The following UBE2E2 variants were observed in gnomAD, a reference collection of about 807,000 sequenced individuals.
UBE2E2 encodes ubiquitin conjugating enzyme E2 E2.
UBE2E2 carries 6 observed loss-of-function variants against 24.7 expected under a neutral mutation model. That is an observed-to-expected ratio of 0.24 (90% CI 0.13 to 0.48). UBE2E2 has a LOEUF of 0.48. Ranked by LOEUF, UBE2E2 falls within the 20% of genes least tolerant of loss-of-function variation. The probability of loss-of-function intolerance (pLI) is 0.99; values close to 1 mark genes in which losing one functional copy is unlikely to be tolerated. For synonymous variants in UBE2E2, 104 were observed against 83.6 expected (o/e 1.24, Z -1.33); for missense variants, 169 against 245.0 (o/e 0.69, Z 2.07).
chr3:23,397,904 T>TGAAA (rs780952094), intron 3 of UBE2E2, among the ~76,000 whole-genome samples: 2 of 152,128 alleles, frequency 1.3e-5, no homozygotes, highest in African/African-American at 2.4e-5. Context: ...TTGTGTAGAG[T>TGAAA]GAAAACTAAT....
rs553737894 is a variant in UBE2E2 at position 23,302,520 on chromosome 3, C to T, written c.227+85208C>T. Reference sequence around the variant, plus strand: ...TCTGGTGACCTGAGCACACACCAACCTCTCCTTTCTTTGAACTTCTGTTAC... The same window carrying T: ...TCTGGTGACCTGAGCACACACCAACTTCTCCTTTCTTTGAACTTCTGTTAC... On this transcript the variant is annotated intron_variant, in intron 3 of 5. Transcript: ENST00000396703. 2.0e-5 allele frequency among the ~76,000 whole-genome samples: 3 copies of T among 152,304 alleles called. No homozygotes were observed. The South Asian group carries it at 6.2e-4, about 32-fold the overall frequency.
chr3:23,558,302 A>G (rs947164100), intron 5 of UBE2E2, among the ~76,000 whole-genome samples: 4 of 152,226 alleles, frequency 2.6e-5, no homozygotes, highest in Non-Finnish European at 4.4e-5. Flanking sequence ...GTGAAAGTGC[A>G]GATAAATCCA....
intron 3 of UBE2E2, among the ~76,000 whole-genome samples, chr3:23,286,365 TATGGAC>T (rs769499761): frequency 1.3e-5 from 2 of 152,190 alleles, no homozygotes; most frequent in Non-Finnish European, 2.9e-5. Flanking sequence ...GTCTTCTGCA[TATGGAC>T]ATCCAGTTTT....
At chr3:23,415,931 TC>T (rs1458293191) in intron 3 of UBE2E2, among the ~76,000 whole-genome samples, 1 of 151,910 alleles carries the variant, frequency 6.6e-6, no homozygotes, top group Non-Finnish European at 1.5e-5. Flanking sequence ...TGTGTGATGT[TC>T]CCCTCCCTGT....
intron 3 of UBE2E2, among the ~76,000 whole-genome samples, chr3:23,229,816 C>G (rs1003400783): frequency 6.6e-6 from 1 of 152,164 alleles, no homozygotes; most frequent in Admixed American, 6.5e-5. Context: ...TGAAAGGTGA[C>G]TAGTGCAACT....
intron 3 of UBE2E2, among the ~76,000 whole-genome samples, chr3:23,257,662 TG>T (rs1307055221): frequency 5.3e-5 from 8 of 151,066 alleles, no homozygotes; most frequent in Admixed American, 1.3e-4. Context: ...CAGGCCACCA[TG>T]GCTGGTTTTA....
chr3:23,342,165 G>A (rs1162346740), intron 3 of UBE2E2, among the ~76,000 whole-genome samples: 1 of 151,990 alleles, frequency 6.6e-6, no homozygotes, highest in East Asian at 1.9e-4. Flanking sequence ...AAGCATTATG[G>A]GGGGTACTTT....
At chr3:23,227,517 TA>T (rs1351946845) in intron 3 of UBE2E2, among the ~76,000 whole-genome samples, 3 of 152,206 alleles carry the variant, frequency 2.0e-5, no homozygotes, top group African/African-American at 7.2e-5. Flanking sequence ...GGACCTATGT[TA>T]TTTATTTAGG....
In UBE2E2 at chr3:23,203,390, C is replaced by A. The variant is rs911286936; in HGVS notation, c.-83C>A. ...TCCCTGGGGCCTCCCCAGTCTCCCTCCCCCTCGCGCCTGGGCAGCTCTCTC... is the reference window on the plus strand; with the variant it reads ...TCCCTGGGGCCTCCCCAGTCTCCCTACCCCTCGCGCCTGGGCAGCTCTCTC... On this transcript the variant is annotated 5_prime_UTR_variant, in exon 1 of 6. Coordinates refer to ENST00000396703, the MANE Select transcript of UBE2E2 (RefSeq NM_152653.4). The A allele has an allele frequency of 2.0e-6, 2 of 985,636 alleles. No individual in the cohort carries two copies. Among genetic ancestry groups the A allele is most frequent in the Non-Finnish European group, 2.4e-6 (2 of 830,224 alleles). 61.1% of individuals were successfully genotyped at this position (985,636 alleles called of 1,614,324 possible).
chr3:23,257,866 T>A (rs1053912530), intron 3 of UBE2E2, among the ~76,000 whole-genome samples: 1 of 152,144 alleles, frequency 6.6e-6, no homozygotes, highest in African/African-American at 2.4e-5. Flanking sequence ...TTATGAAATA[T>A]CCTATACTTG....
intron 5 of UBE2E2, among the ~76,000 whole-genome samples, chr3:23,563,347 C>T (rs1192462415): frequency 4.6e-5 from 7 of 152,098 alleles, no homozygotes; most frequent in Non-Finnish European, 7.3e-5. Context: ...GATTCAGGAG[C>T]GGGTTGTTCA....
chr3:23,484,037 A>G (rs1170898531), intron 3 of UBE2E2, among the ~76,000 whole-genome samples: 1 of 152,088 alleles, frequency 6.6e-6, no homozygotes, highest in Admixed American at 6.5e-5. Context: ...TTTGAATATC[A>G]CGGTTCTCCA....
In UBE2E2 at chr3:23,399,739, G is replaced by A. The variant is rs527683640; in HGVS notation, c.228-99869G>A. On this transcript the variant is annotated intron_variant, in intron 3 of 5. Coordinates refer to ENST00000396703, the MANE Select transcript of UBE2E2 (RefSeq NM_152653.4). ...AACCAATTTAAATATTTACAAAATC[G>A]TATGGACAACTCAGTTTTCTTTTCC... Among the ~76,000 whole-genome samples the A allele has an allele frequency of 2.3e-4, 35 of 152,218 alleles. 2 individuals are homozygous for A. The highest frequency in any genetic ancestry group is 7.2e-4 in the African/African-American group (30 of 41,546).
Position 23,258,761 on chromosome 3 carries a change from C to T in UBE2E2, c.227+41449C>T, listed in dbSNP as rs530328357. Among the ~76,000 whole-genome samples, 47 of 151,692 alleles carry T rather than the reference C, an allele frequency of 3.1e-4. 1 individual carries two copies. In the East Asian group the frequency reaches 7.6e-3, roughly 24 times the overall value. On this transcript the variant is annotated intron_variant, in intron 3 of 5. Transcript: ENST00000396703. ...ACAAAAAATTAGCCGGGCGTGGTGGCGGGCGCCTGTAGTCCCAGCTACTCG... is the reference window on the plus strand; with the variant it reads ...ACAAAAAATTAGCCGGGCGTGGTGGTGGGCGCCTGTAGTCCCAGCTACTCG...
chr3:23,579,435 A>G (rs1362274902), intron 5 of UBE2E2, among the ~76,000 whole-genome samples: 2 of 150,738 alleles, frequency 1.3e-5, no homozygotes, highest in East Asian at 3.9e-4. Flanking sequence ...TCATATCTGT[A>G]ATCCCAGTGC....
At chr3:23,519,965 C>T (rs1694826964) in intron 4 of UBE2E2, among the ~76,000 whole-genome samples, 1 of 152,158 alleles carries the variant, frequency 6.6e-6, no homozygotes, top group African/African-American at 2.4e-5. Flanking sequence ...AACATTTCTT[C>T]TCTTCGCTAT....
At chr3:23,508,849 G>A (rs1306260086) in intron 4 of UBE2E2, among the ~76,000 whole-genome samples, 1 of 152,178 alleles carries the variant, frequency 6.6e-6, no homozygotes, top group East Asian at 1.9e-4. Flanking sequence ...TATGTGAACA[G>A]GGGAGACTGA....
intron 4 of UBE2E2, among the ~76,000 whole-genome samples, chr3:23,519,592 G>T (rs6775232): frequency 0.61 from 92,126 of 152,070 alleles, 28,368 homozygotes; most frequent in East Asian, 0.74. Context: ...TGTTGAAACA[G>T]TTGTTTACTT....
At chr3:23,440,431 T>C (rs766202804) in intron 3 of UBE2E2, among the ~76,000 whole-genome samples, 1 of 152,248 alleles carries the variant, frequency 6.6e-6, no homozygotes, top group Non-Finnish European at 1.5e-5. Context: ...TATATAGATA[T>C]CTAATAAGAT....
Sources: allele counts gnomAD v4.1 joint callset (sites outside exome capture counted in the v4.1 genomes callset), GRCh38; gene constraint gnomAD v4.1.1; transcripts MANE v1.5; gene names NCBI Gene and HGNC (gene_info 2026-07-23, HGNC 2026-07-21).